The following PAIP1 variants were observed in gnomAD, a reference collection of about 807,000 sequenced individuals.
PAIP1 encodes the protein polyadenylate-binding protein-interacting protein 1.
PAIP1 carries 16 observed loss-of-function variants against 61.3 expected under a neutral mutation model. The observed-to-expected ratio is 0.26, with a 90% CI of 0.18 to 0.40. The LOEUF (loss-of-function observed/expected upper bound fraction) is 0.40, where lower values mean the gene tolerates loss of function less well. Among genes scored for constraint, PAIP1 ranks in the 10% least tolerant of loss-of-function variants. The pLI is 1.00. For missense variants in PAIP1, 416 were observed against 600.9 expected (o/e 0.69, Z 3.22); for synonymous variants, 187 against 226.2 (o/e 0.83, Z 1.56).
intron 2 of PAIP1, among the ~76,000 whole-genome samples, chr5:43,554,341 A>T (rs888243230): frequency 6.6e-6 from 1 of 152,176 alleles, no homozygotes; most frequent in Non-Finnish European, 1.5e-5. Flanking sequence ...CAGTGGCTCT[A>T]ATGGTTCTTT....
chr5:43,531,776 TACTTTTGTA>T (rs1379768265), intron 9 of PAIP1, among the ~76,000 whole-genome samples: 2 of 152,016 alleles, frequency 1.3e-5, no homozygotes, highest in Non-Finnish European at 2.9e-5. Flanking sequence ...TGTACAATTT[TACTTTTGTA>T]ACTTTTCTGT....
In PAIP1 at chr5:43,555,821, T is replaced by C. The variant is rs1748035710; in HGVS notation, c.435+9A>G. The stretch of plus-strand genomic sequence containing the variant: ...TAACCCAGAGTTGTAGGAAAAAGGG[T>C]GTACTTACTGTGTAACTGGAAGAAT... On this transcript the variant is annotated intron_variant, in intron 2 of 10. Coordinates refer to ENST00000306846, the MANE Select transcript of PAIP1 (RefSeq NM_006451.5). 1 of 1,599,974 alleles carries C rather than the reference T, an allele frequency of 6.3e-7. No homozygotes were observed. The highest frequency in any genetic ancestry group is 1.7e-5 in the Admixed American group (1 of 58,698).
intron 3 of PAIP1, among the ~76,000 whole-genome samples, chr5:43,543,491 G>C (rs1291536352): frequency 6.6e-6 from 1 of 152,064 alleles, no homozygotes; most frequent in Non-Finnish European, 1.5e-5. Context: ...TCTTGGGGCA[G>C]GAAAGCACAG....
Position 43,556,513 on chromosome 5 carries a change from C to G in PAIP1, c.265+69G>C, listed in dbSNP as rs890652052. ...GGACCGCAGACAGCGCGTCGGGCCT[C>G]GGCACGCGTGGAGGGCCGTGGGGAA... On this transcript the variant is annotated intron_variant, in intron 1 of 10. Coordinates refer to ENST00000306846, the MANE Select transcript of PAIP1 (RefSeq NM_006451.5). 3 of 1,224,598 alleles carry G rather than the reference C, an allele frequency of 2.4e-6. No individual in the cohort carries two copies. The African/African-American group carries it at 4.7e-5, about 19-fold the overall frequency. 75.9% of individuals were successfully genotyped at this position (1,224,598 alleles called of 1,614,324 possible).
rs1746730893 is a variant in PAIP1 at position 43,526,856 on chromosome 5, G to A, written c.*520C>T. On this transcript the variant is annotated 3_prime_UTR_variant, in exon 11 of 11. Coordinates refer to ENST00000306846, the MANE Select transcript of PAIP1 (RefSeq NM_006451.5). ...AAGCCCTTGGTATCAAATAGCATCTGCATATGTAAATCAGTTGTTGATATA... is the reference window on the plus strand; with the variant it reads ...AAGCCCTTGGTATCAAATAGCATCTACATATGTAAATCAGTTGTTGATATA... The A allele has an allele frequency of 1.3e-5, 2 of 151,918 alleles. No homozygotes were observed. The highest frequency in any genetic ancestry group is 2.1e-4 in the South Asian group (1 of 4,826). 9.4% of individuals were successfully genotyped at this position (151,918 alleles called of 1,614,324 possible).
intron 2 of PAIP1, among the ~76,000 whole-genome samples, chr5:43,552,985 T>C (rs1421200702): frequency 1.3e-5 from 2 of 152,166 alleles, no homozygotes; most frequent in Non-Finnish European, 2.9e-5. Flanking sequence ...ATTTTACCTA[T>C]TGGAGAATGA....
chr5:43,555,724 T>C, intron 2 of PAIP1, 106 bp downstream of exon 2: 2 of 872,958 alleles, frequency 2.3e-6, no homozygotes, highest in Non-Finnish European at 3.4e-6. Flanking sequence ...TAAAAAAATT[T>C]TTTTACGTGT....
chr5:43,530,597 A>G (rs1414647905), intron 9 of PAIP1, among the ~76,000 whole-genome samples: 3 of 152,252 alleles, frequency 2.0e-5, no homozygotes, highest in Non-Finnish European at 4.4e-5. Flanking sequence ...TGTTCTTCCA[A>G]GACTGTGTCA....
intron 4 of PAIP1, among the ~76,000 whole-genome samples, chr5:43,540,927 C>G (rs1244989841): frequency 6.6e-6 from 1 of 151,922 alleles, no homozygotes; most frequent in East Asian, 1.9e-4. Context: ...TAAGGCACAG[C>G]CGGGGGTGAG....
chr5:43,542,619 A>T (rs1244305855), intron 4 of PAIP1, among the ~76,000 whole-genome samples: 1 of 152,190 alleles, frequency 6.6e-6, no homozygotes, highest in African/African-American at 2.4e-5. Context: ...AAATGGAATG[A>T]AAATCCAGAA....
chr5:43,551,827 T>G (rs1056165208), intron 2 of PAIP1, among the ~76,000 whole-genome samples: 15 of 150,854 alleles, frequency 9.9e-5, no homozygotes, highest in Non-Finnish European at 1.9e-4. Flanking sequence ...AAAGTAGAAC[T>G]GCTCTGAATA....
intron 9 of PAIP1, among the ~76,000 whole-genome samples, chr5:43,530,781 TGAA>T (rs1387910921): frequency 1.3e-5 from 2 of 152,004 alleles, no homozygotes; most frequent in East Asian, 3.9e-4. Context: ...AGGTCACAAA[TGAA>T]GAAGGAACTG....
intron 1 of PAIP1, chr5:43,556,205 G>A (rs1227971684): frequency 7.5e-7 from 1 of 1,332,714 alleles, no homozygotes; most frequent in Non-Finnish European, 9.6e-7. Flanking sequence ...GGGCATACCT[G>A]CCTCTCAAAT....
rs781501626 is a variant in PAIP1, at chr5:43,535,560, G to A, written c.1053C>T (p.Asn351=). 5 of 1,588,404 alleles carry A rather than the reference G, an allele frequency of 3.1e-6. No individual in the cohort carries two copies. The Admixed American group carries it at 6.7e-5, about 21-fold the overall frequency. The change falls in exon 7 of 11, where the codon AAC becomes AAT. Residue 351 remains asparagine, a synonymous_variant. Coordinates refer to ENST00000306846, the MANE Select transcript of PAIP1 (RefSeq NM_006451.5). The stretch of plus-strand genomic sequence containing the variant: ...TACTGCAGTTTGCATCTAGGACAAC[G>A]TTTTCAATTCTCTGAATAATTTCTT... ...DMEEIIQRIE[N]VVLDANCSRD...
At chr5:43,536,692 A>G (rs1368278593) in intron 6 of PAIP1, 127 bp downstream of exon 6, 2 of 501,208 alleles carry the variant, frequency 4.0e-6, no homozygotes, top group East Asian at 3.4e-5. Flanking sequence ...TATTCGAGAA[A>G]AAAGTAAAAT....
upstream of PAIP1, chr5:43,557,096 G>T: frequency 1.6e-6 from 1 of 628,040 alleles, no homozygotes; most frequent in Non-Finnish European, 2.2e-6. Flanking sequence ...CCCAAAACCC[G>T]GCTCCCCGCC....
chr5:43,547,042 C>CAAAAAAA lies in PAIP1; in HGVS notation c.621+679_621+685dup, dbSNP rs766493987. 2.9e-3 allele frequency among the ~76,000 whole-genome samples: 103 copies of CAAAAAAA among 35,660 alleles called. 38 individuals are homozygous for CAAAAAAA. Among genetic ancestry groups the CAAAAAAA allele is most frequent in the African/African-American group, 9.7e-3 (71 of 7,304 alleles). 23.4% of individuals were successfully genotyped at this position (35,660 alleles called of 152,430 possible). A position where few individuals can be genotyped will look rare whatever the true frequency, so the allele number is the denominator to read the frequency against. ...TGGGAGACAGGGCAAGACTCCATAT[C>CAAAAAAA]AAAAAAAAAAAAAAAAAAAAAAAAA... On this transcript the variant is annotated intron_variant, in intron 3 of 10. Transcript: ENST00000306846.
chr5:43,536,580 G>C (rs1747165559), intron 6 of PAIP1, among the ~76,000 whole-genome samples: 1 of 152,084 alleles, frequency 6.6e-6, no homozygotes, highest in Non-Finnish European at 1.5e-5. Context: ...AAGAAGGGAA[G>C]AAGACAGAAT....
chr5:43,537,996 CAAAAAAAA>C (rs5867636), intron 5 of PAIP1, among the ~76,000 whole-genome samples: 25 of 92,670 alleles, frequency 2.7e-4, no homozygotes, highest in African/African-American at 8.8e-4. Context: ...TGTCCCCACC[CAAAAAAAA>C]AAAAAAAAAA....
Sources: allele counts gnomAD v4.1 joint callset (sites outside exome capture counted in the v4.1 genomes callset), GRCh38; gene constraint gnomAD v4.1.1; transcripts MANE v1.5; gene names NCBI Gene and HGNC (gene_info 2026-07-23, HGNC 2026-07-21).